GPC6: variants seen among roughly 807,000 people sequenced by gnomAD.
GPC6 encodes glypican 6.
Under a neutral mutation model 55.2 loss-of-function variants are expected in GPC6, and 14 were observed. That is an observed-to-expected ratio of 0.25 (90% CI 0.17 to 0.40). GPC6 has a LOEUF of 0.40. Ranked by LOEUF, GPC6 falls within the 10% of genes least tolerant of loss-of-function variation. The pLI is 1.00. For missense variants in GPC6, 641 were observed against 708.5 expected (o/e 0.90, Z 1.08); for synonymous variants, 278 against 259.6 (o/e 1.07, Z -0.68).
intron 2 of GPC6, among the ~76,000 whole-genome samples, chr13:93,652,578 T>C (rs535709065): frequency 6.6e-6 from 1 of 152,186 alleles, no homozygotes; most frequent in Non-Finnish European, 1.5e-5. Flanking sequence ...CTCTGTCCCC[T>C]TCTATCCTGC....
At chr13:93,856,225 A>G (rs907947721) in intron 3 of GPC6, among the ~76,000 whole-genome samples, 18 of 151,470 alleles carry the variant, frequency 1.2e-4, no homozygotes, top group Non-Finnish European at 2.4e-4. Context: ...TTGGGTGAAA[A>G]TTGCCTTCCC....
chr13:93,732,077 G>A (rs990230049), intron 2 of GPC6, among the ~76,000 whole-genome samples: 1 of 152,102 alleles, frequency 6.6e-6, no homozygotes, highest in African/African-American at 2.4e-5. Flanking sequence ...ATCTCTAAAT[G>A]TTTCCCATCA....
At chr13:94,261,362 G>T (rs188369632) in intron 4 of GPC6, among the ~76,000 whole-genome samples, 1 of 152,274 alleles carries the variant, frequency 6.6e-6, no homozygotes, top group East Asian at 1.9e-4. Context: ...AAAAGAGGAA[G>T]CTATTTGAAG....
At chr13:94,337,607 C>G (rs1000462774) in intron 6 of GPC6, among the ~76,000 whole-genome samples, 2 of 151,302 alleles carry the variant, frequency 1.3e-5, no homozygotes, top group South Asian at 2.1e-4. Flanking sequence ...ACCACCACAT[C>G]TGGCTAATTT....
At chr13:93,812,465 G>T (rs930087084) in intron 2 of GPC6, among the ~76,000 whole-genome samples, 1 of 151,578 alleles carries the variant, frequency 6.6e-6, no homozygotes, top group Non-Finnish European at 1.5e-5. Flanking sequence ...ACTCAAAATT[G>T]AGTGAAGGAT....
At chr13:93,751,764 G>T (rs1314317282) in intron 2 of GPC6, among the ~76,000 whole-genome samples, 2 of 152,064 alleles carry the variant, frequency 1.3e-5, no homozygotes, top group African/African-American at 2.4e-5. Context: ...GGGCTCAAGT[G>T]ATTCTCCTGC....
At chr13:94,096,110 C>T (rs1885646899) in intron 4 of GPC6, among the ~76,000 whole-genome samples, 1 of 152,116 alleles carries the variant, frequency 6.6e-6, no homozygotes, top group Non-Finnish European at 1.5e-5. Context: ...GAGCTAAACA[C>T]AGAAAGATTA....
intron 4 of GPC6, among the ~76,000 whole-genome samples, chr13:94,117,654 G>A (rs924579332): frequency 6.6e-6 from 1 of 151,994 alleles, no homozygotes; most frequent in African/African-American, 2.4e-5. Context: ...AGGACCTGCA[G>A]ACAAGAAGAG....
At chr13:93,975,910 A>G (rs2140399147) in intron 3 of GPC6, among the ~76,000 whole-genome samples, 1 of 152,286 alleles carries the variant, frequency 6.6e-6, no homozygotes, top group East Asian at 1.9e-4. Context: ...TTTGAAAGGG[A>G]AGGCCTCCTG....
At chr13:93,637,581 C>T (rs916333545) in intron 2 of GPC6, among the ~76,000 whole-genome samples, 25 of 152,216 alleles carry the variant, frequency 1.6e-4, no homozygotes, top group South Asian at 1.5e-3. Flanking sequence ...GTGTCCCAAA[C>T]GCTACAGCCT....
At chr13:93,497,476 T>A (rs1171250663) in intron 1 of GPC6, among the ~76,000 whole-genome samples, 1 of 152,178 alleles carries the variant, frequency 6.6e-6, no homozygotes, top group Non-Finnish European at 1.5e-5. Context: ...ACCACTTAAC[T>A]GTGTTTGGGC....
chr13:93,313,338 C>T (rs894510718), intron 1 of GPC6, among the ~76,000 whole-genome samples: 1 of 151,922 alleles, frequency 6.6e-6, no homozygotes, highest in Non-Finnish European at 1.5e-5. Context: ...ATTTGAATGG[C>T]AAACAACTAA....
rs56074677 is a variant in GPC6, at chr13:94,339,751, C to CTTTTTTTTT, written c.1152+33649_1152+33657dup. ...TTAAGTCTGCAACCTGCATACTTTC[C>CTTTTTTTTT]TTTTTTTTTTTTTTTTTTTTTTTTT... On this transcript the variant is annotated intron_variant, in intron 6 of 8. Coordinates refer to ENST00000377047, the MANE Select transcript of GPC6 (RefSeq NM_005708.5). Among the ~76,000 whole-genome samples, 83 of 63,814 alleles carry CTTTTTTTTT rather than the reference C, an allele frequency of 1.3e-3. 8 individuals are homozygous for CTTTTTTTTT. Among genetic ancestry groups the CTTTTTTTTT allele is most frequent in the East Asian group, 5.2e-3 (12 of 2,310 alleles). 41.9% of individuals were successfully genotyped at this position (63,814 alleles called of 152,430 possible). A position where few individuals can be genotyped will look rare whatever the true frequency, so the allele number is the denominator to read the frequency against.
chr13:94,314,229 G>C (rs1033774871), intron 6 of GPC6, among the ~76,000 whole-genome samples: 2 of 152,206 alleles, frequency 1.3e-5, no homozygotes, highest in Non-Finnish European at 2.9e-5. Context: ...GTGGGAGTTT[G>C]ATTTTGCAAT....
At chr13:93,697,599 A>G (rs1354026584) in intron 2 of GPC6, among the ~76,000 whole-genome samples, 1 of 152,202 alleles carries the variant, frequency 6.6e-6, no homozygotes, top group Non-Finnish European at 1.5e-5. Flanking sequence ...ACGAATTAGC[A>G]TAGTTTACAA....
At position 94,004,726 on chromosome 13, in the gene GPC6, G is replaced by T. The variant is rs114573462; in HGVS notation, c.712-23003G>T. 2.5e-3 allele frequency among the ~76,000 whole-genome samples: 377 copies of T among 152,220 alleles called. 1 individual carries two copies. The highest frequency in any genetic ancestry group is 8.7e-3 in the African/African-American group (363 of 41,544). On this transcript the variant is annotated intron_variant, in intron 3 of 8. Transcript: ENST00000377047. ...CCAGGAAGGTTAAAATCAGACTTAAGATTTGTTACAATGCATGATGAACTA... is the reference window on the plus strand; with the variant it reads ...CCAGGAAGGTTAAAATCAGACTTAATATTTGTTACAATGCATGATGAACTA...
intron 4 of GPC6, among the ~76,000 whole-genome samples, chr13:94,118,234 C>T (rs1175074380): frequency 6.6e-6 from 1 of 151,996 alleles, no homozygotes; most frequent in Non-Finnish European, 1.5e-5. Flanking sequence ...TGCTGCTGTT[C>T]TCGTGATAGT....
chr13:93,614,148 C>A (rs1036726689), intron 2 of GPC6, among the ~76,000 whole-genome samples: 1 of 152,146 alleles, frequency 6.6e-6, no homozygotes, highest in Non-Finnish European at 1.5e-5. Flanking sequence ...GTCAGAAGCT[C>A]ACTATTCTCT....
At chr13:93,610,661 T>C (rs1416243549) in intron 2 of GPC6, among the ~76,000 whole-genome samples, 1 of 152,198 alleles carries the variant, frequency 6.6e-6, no homozygotes, top group African/African-American at 2.4e-5. Context: ...GATTATATAA[T>C]ATACATATCC....
Sources: allele counts gnomAD v4.1 joint callset (sites outside exome capture counted in the v4.1 genomes callset), GRCh38; gene constraint gnomAD v4.1.1; transcripts MANE v1.5; gene names NCBI Gene and HGNC (gene_info 2026-07-23, HGNC 2026-07-21).